ETFDH: variants seen among roughly 807,000 people sequenced by gnomAD.
ETFDH encodes electron transfer flavoprotein-ubiquinone oxidoreductase, mitochondrial.
Under a neutral mutation model 73.2 loss-of-function variants are expected in ETFDH, and 61 were observed. The observed-to-expected ratio is 0.83, with a 90% confidence interval of 0.68 to 1.03. The LOEUF (loss-of-function observed/expected upper bound fraction) is 1.03, where lower values mean the gene tolerates loss of function less well. ETFDH is among the 50% of genes least tolerant of loss of function. ETFDH has a pLI of 0.00. For missense variants in ETFDH, 685 were observed against 745.0 expected, an observed-to-expected ratio of 0.92 and a Z score of 0.94; for synonymous variants, 243 against 253.3, an observed-to-expected ratio of 0.96 and a Z score of 0.39.
chr4:158,708,630 G>C lies in ETFDH; in HGVS notation c.*103G>C, dbSNP rs996915647. On this transcript the variant is annotated 3_prime_UTR_variant, in exon 13 of 13. Transcript: ENST00000511912. ...TTTCTGCATATTACTGAACAGAATA[G>C]TCACAAAATGATTATCAAATAAAAA... 6.4e-6 allele frequency: 6 copies of C among 935,888 alleles called. No individual in the cohort carries two copies. In the East Asian group the frequency reaches 1.3e-4, roughly 20 times the overall value. The allele number at this position is 935,888 out of a possible 1,614,324, so 58.0% of individuals were successfully genotyped here.
intron 5 of ETFDH, among the ~76,000 whole-genome samples, chr4:158,687,468 C>T (rs1411262699): frequency 1.3e-5 from 2 of 152,158 alleles, no homozygotes; most frequent in African/African-American, 4.8e-5. Context: ...AGAGCCCCAG[C>T]ACTAGCTTAA....
chr4:158,682,095 TAAATA>T, intron 2 of ETFDH, 95 bp from the exon 3 acceptor site: 1 of 1,536,834 alleles, frequency 6.5e-7, no homozygotes, highest in Non-Finnish European at 9.0e-7. Context: ...AGAATTTCCA[TAAATA>T]ATACTCTAAA....
intron 7 of ETFDH, 59 bp from the exon 8 acceptor site, chr4:158,697,500 G>T (rs1275850129): frequency 1.4e-6 from 2 of 1,439,354 alleles, no homozygotes; most frequent in Non-Finnish European, 1.9e-6. Flanking sequence ...GCATTGTGGT[G>T]ACATAAAAAC....
intron 2 of ETFDH, 122 bp downstream of exon 2, chr4:158,680,729 C>CACA: frequency 1.2e-6 from 1 of 821,888 alleles, no homozygotes; most frequent in Non-Finnish European, 2.1e-6. Flanking sequence ...GTGGCTTTAC[C>CACA]AAGTCACATG....
chr4:158,700,291 GA>G (rs1774422627), intron 9 of ETFDH, among the ~76,000 whole-genome samples: 1 of 152,034 alleles, frequency 6.6e-6, no homozygotes, highest in African/African-American at 2.4e-5. Context: ...TACTTCTCAT[GA>G]GATTGTTTTT....
At chr4:158,700,530 CAGG>C (rs78602055) in intron 9 of ETFDH, among the ~76,000 whole-genome samples, 23,884 of 149,902 alleles carry the variant, frequency 0.16, 2,271 homozygotes, top group Non-Finnish European at 0.22. Flanking sequence ...TGCAAATTGA[CAGG>C]AGATGACTCT....
chr4:158,684,417 A>G (rs1198079540), intron 3 of ETFDH, among the ~76,000 whole-genome samples, 175 bp from the exon 4 acceptor site: 3 of 151,604 alleles, frequency 2.0e-5, no homozygotes, highest in South Asian at 2.1e-4. Flanking sequence ...AGATTTCTGT[A>G]CATCTCAGAC....
chr4:158,691,443 G>A (rs1411623600), intron 6 of ETFDH, among the ~76,000 whole-genome samples: 2 of 152,184 alleles, frequency 1.3e-5, no homozygotes, highest in Non-Finnish European at 2.9e-5. Context: ...TCCCGCCTCA[G>A]CCTCCCGAGT....
At chr4:158,690,921 C>G (rs987486957) in intron 6 of ETFDH, among the ~76,000 whole-genome samples, 2 of 151,616 alleles carry the variant, frequency 1.3e-5, no homozygotes, top group Non-Finnish European at 2.9e-5. Context: ...TTTAAAATGT[C>G]AAAAAATGTG....
In ETFDH at chr4:158,706,724, G is replaced by C. The variant is rs772420901; in HGVS notation, c.1564G>C (p.Val522Leu). Reference protein sequence around the residue: ...GQISFDLLSSVALSGTNHEHD... With the variant: ...GQISFDLLSSLALSGTNHEHD... The stretch of plus-strand genomic sequence containing the variant: ...GATCAGTTTTGACCTCTTGTCATCT[G>C]TGGCTCTGAGTGGTACTAATCATGA... Residue 522 changes from valine to leucine, a missense_variant, in exon 12 of 13, where the codon GTG (valine) becomes CTG (leucine). Physicochemically the swap from Val to Leu is conservative, Grantham distance 32. This residue lies in a region of ETFDH where 201 missense variants were observed against 225.2 expected (regional missense o/e 0.89). Coordinates refer to ENST00000511912, the MANE Select transcript of ETFDH (RefSeq NM_004453.4). 6.2e-7 allele frequency: 1 copy of C among 1,613,862 alleles called. No individual in the cohort carries two copies. Among genetic ancestry groups the C allele is most frequent in the South Asian group, 1.1e-5 (1 of 91,080 alleles).
intron 1 of ETFDH, among the ~76,000 whole-genome samples, chr4:158,678,023 C>A (rs971499915): frequency 5.9e-5 from 9 of 152,258 alleles, no homozygotes; most frequent in Middle Eastern, 3.4e-3. Flanking sequence ...AACTTTTTAT[C>A]TTGAAATAGT....
chr4:158,694,677 A>G (rs1337133003), intron 6 of ETFDH, among the ~76,000 whole-genome samples: 1 of 152,196 alleles, frequency 6.6e-6, no homozygotes, highest in Non-Finnish European at 1.5e-5. Flanking sequence ...AGGAACAGTT[A>G]TATCTGTCAC....
intron 9 of ETFDH, among the ~76,000 whole-genome samples, chr4:158,702,111 G>C (rs1774479343): frequency 6.6e-6 from 1 of 151,514 alleles, no homozygotes; most frequent in Non-Finnish European, 1.5e-5. Flanking sequence ...AGTATCCTTT[G>C]TAAGTCTTGT....
At chr4:158,706,885 TAA>T in intron 12 of ETFDH, 35 bp downstream of exon 12, 1 of 1,360,124 alleles carries the variant, frequency 7.4e-7, no homozygotes, top group South Asian at 1.2e-5. Context: ...ATATTTGCTT[TAA>T]ACATTTTAGG....
chr4:158,698,883 A>C lies in ETFDH; in HGVS notation c.973-104A>C, dbSNP rs7679753. On this transcript the variant is annotated intron_variant, in intron 8 of 12. Transcript: ENST00000511912. ...ATAGTGCTCCAAATACTTTTGAGTA[A>C]AAGAAATTTAACCTACATGTTTTCT... 0.34 allele frequency: 271,006 copies of C among 800,292 alleles called. 47,266 individuals are homozygous for C. The highest frequency in any genetic ancestry group is 0.39 in the African/African-American group (22,189 of 57,182). The allele number at this position is 800,292 out of a possible 1,614,324, so 49.6% of individuals were successfully genotyped here. A position where few individuals can be genotyped will look rare whatever the true frequency, so the allele number is the denominator to read the frequency against.
intron 1 of ETFDH, among the ~76,000 whole-genome samples, chr4:158,679,120 T>C (rs945816522): frequency 6.6e-6 from 1 of 152,230 alleles, no homozygotes; most frequent in Non-Finnish European, 1.5e-5. Context: ...GTATCTTTAT[T>C]ATATACCATA....
At position 158,703,436 on chromosome 4, in the gene ETFDH, T is replaced by C. The variant is rs387907170; in HGVS notation, c.1130T>C (p.Leu377Pro). The C allele has an allele frequency of 1.2e-6, 2 of 1,611,286 alleles. No homozygotes were observed. The highest frequency in any genetic ancestry group is 8.5e-7 in the Non-Finnish European group (1 of 1,177,516). ...TTGTTTCCTCAGTCTATACCAAAAC[T>C]CACCTTTCCTGGTGGTTTACTAATT... ...NEGGFQSIPKLTFPGGLLIGC... is the reference protein window; with the variant it reads ...NEGGFQSIPKPTFPGGLLIGC... The change falls in exon 10 of 13, where the codon CTC (leucine) becomes CCC (proline). Residue 377 changes from leucine to proline, a missense_variant. By Grantham distance (98) the Leu-to-Pro change is moderately conservative (BLOSUM62 -3). Around this residue, in one of 3 missense-constraint regions of ETFDH, gnomAD observed 79 missense variants for 120.5 expected, o/e 0.66. Transcript: ENST00000511912.
At chr4:158,691,636 T>C (rs1250853295) in intron 6 of ETFDH, among the ~76,000 whole-genome samples, 1 of 152,188 alleles carries the variant, frequency 6.6e-6, no homozygotes, top group Admixed American at 6.5e-5. Context: ...ATCACAGTAT[T>C]CTTAAGCACT....
chr4:158,705,897 A>G (rs1580422119), intron 10 of ETFDH, among the ~76,000 whole-genome samples: 1 of 152,216 alleles, frequency 6.6e-6, no homozygotes, highest in East Asian at 1.9e-4. Flanking sequence ...CCTGGGCAAC[A>G]TGGCAAAACC....
Sources: gnomAD v4.1 joint callset for allele counts (sites outside exome capture counted in the v4.1 genomes callset) on GRCh38, gnomAD v4.1.1 for gene constraint, gnomAD v4.1.1 regional missense constraint, MANE v1.5 for transcripts, NCBI Gene and HGNC (gene_info 2026-07-23, HGNC 2026-07-21) for gene names.